The following HSD17B12 variants were observed in gnomAD, a reference collection of about 807,000 sequenced individuals.
HSD17B12 encodes very-long-chain 3-oxoacyl-CoA reductase.
HSD17B12 carries 32 observed loss-of-function variants against 39.3 expected under a neutral mutation model. The ratio of observed to expected loss-of-function variants is 0.81; its 90% CI spans 0.61 to 1.09. The LOEUF is 1.09. HSD17B12 is among the 50% of genes least tolerant of loss of function. HSD17B12 has a pLI of 0.00. For missense variants in HSD17B12, 342 were observed against 382.9 expected, an observed-to-expected ratio of 0.89 and a Z score of 0.89; for synonymous variants, 150 against 146.7, an observed-to-expected ratio of 1.02 and a Z score of -0.16.
At chr11:43,801,124 G>A (rs895923404) in intron 4 of HSD17B12, among the ~76,000 whole-genome samples, 5 of 151,748 alleles carry the variant, frequency 3.3e-5, no homozygotes, top group South Asian at 4.2e-4. Context: ...GGGTGACAAA[G>A]TGAGACTCTG....
chr11:43,754,590 C>CA (rs999085667), intron 3 of HSD17B12, among the ~76,000 whole-genome samples: 5 of 151,942 alleles, frequency 3.3e-5, no homozygotes, highest in African/African-American at 1.2e-4. Context: ...AACAAACAAA[C>CA]AAAAAAAGTT....
chr11:43,752,954 A>G (rs1048329518), intron 2 of HSD17B12, among the ~76,000 whole-genome samples: 5 of 152,118 alleles, frequency 3.3e-5, no homozygotes, highest in Non-Finnish European at 5.9e-5. Flanking sequence ...ATCACTCACT[A>G]CTTAATAAAC....
chr11:43,789,061 C>A (rs1176090238), intron 3 of HSD17B12, among the ~76,000 whole-genome samples: 2 of 152,196 alleles, frequency 1.3e-5, no homozygotes, highest in Non-Finnish European at 2.9e-5. Context: ...TTAAAACATG[C>A]TGTTCGTTTT....
the HSD17B12 span, among the ~76,000 whole-genome samples, chr11:43,586,991 G>A: frequency 2.0e-3 from 297 of 152,264 alleles, 1 homozygote; most frequent in Admixed American, 4.1e-3. Flanking sequence ...AAAATGAGAT[G>A]GGGTGAAAGA....
chr11:43,721,477 G>A (rs1296187175), intron 1 of HSD17B12, among the ~76,000 whole-genome samples: 1 of 152,096 alleles, frequency 6.6e-6, no homozygotes, highest in African/African-American at 2.4e-5. Context: ...ACATTGGCTG[G>A]GCATGGTGGC....
At chr11:43,698,543 A>G (rs1230152719) in intron 1 of HSD17B12, among the ~76,000 whole-genome samples, 2 of 152,200 alleles carry the variant, frequency 1.3e-5, no homozygotes, top group Non-Finnish European at 2.9e-5. Flanking sequence ...AGTATAGTGG[A>G]AAGAACGGGT....
intron 3 of HSD17B12, among the ~76,000 whole-genome samples, chr11:43,768,030 T>C (rs1458225505): frequency 6.6e-6 from 1 of 152,222 alleles, no homozygotes; most frequent in Admixed American, 6.5e-5. Context: ...ATTTTATAAA[T>C]ATGAAAACGA....
At chr11:43,604,098 TG>T in the HSD17B12 span, among the ~76,000 whole-genome samples, 1 of 152,214 alleles carries the variant, frequency 6.6e-6, no homozygotes, top group Non-Finnish European at 1.5e-5. Flanking sequence ...TTCAACTACA[TG>T]GTTCATTCTT....
At chr11:43,761,730 C>T (rs934280431) in intron 3 of HSD17B12, among the ~76,000 whole-genome samples, 1 of 152,220 alleles carries the variant, frequency 6.6e-6, no homozygotes, top group Non-Finnish European at 1.5e-5. Flanking sequence ...CATGTAGCCT[C>T]TCTAGCATAG....
intron 3 of HSD17B12, among the ~76,000 whole-genome samples, chr11:43,793,615 GA>G (rs1457368233): frequency 1.3e-5 from 2 of 152,182 alleles, no homozygotes; most frequent in Non-Finnish European, 2.9e-5. Flanking sequence ...AAGCCATTCT[GA>G]ATATATTTAT....
chr11:43,577,511 T>G, the HSD17B12 span, among the ~76,000 whole-genome samples: 1 of 152,070 alleles, frequency 6.6e-6, no homozygotes, highest in Non-Finnish European at 1.5e-5. Context: ...TCCCGCACCT[T>G]CCCGCCAGTG....
chr11:43,571,360 TG>T, the HSD17B12 span, among the ~76,000 whole-genome samples: 1 of 152,250 alleles, frequency 6.6e-6, no homozygotes, highest in African/African-American at 2.4e-5. Context: ...TCAAGTGTGC[TG>T]GAATCCTGAT....
At chr11:43,766,628 A>G (rs1291425884) in intron 3 of HSD17B12, among the ~76,000 whole-genome samples, 1 of 152,176 alleles carries the variant, frequency 6.6e-6, no homozygotes, top group Non-Finnish European at 1.5e-5. Flanking sequence ...ACTTTTAAAG[A>G]GAGACAAGGA....
At chr11:43,694,115 A>G (rs1166075295) in intron 1 of HSD17B12, among the ~76,000 whole-genome samples, 6 of 152,226 alleles carry the variant, frequency 3.9e-5, no homozygotes, top group Non-Finnish European at 8.8e-5. Flanking sequence ...TTTAATTTAC[A>G]GAGCCCTTTT....
chr11:43,806,448 A>G (rs1455355627), intron 4 of HSD17B12: 4 of 152,236 alleles, frequency 2.6e-5, no homozygotes, highest in Admixed American at 6.5e-5. Context: ...ACAGTCTATC[A>G]GCAGATGAAT....
the HSD17B12 span, among the ~76,000 whole-genome samples, chr11:43,659,804 A>T: frequency 6.6e-6 from 1 of 152,212 alleles, no homozygotes; most frequent in Non-Finnish European, 1.5e-5. Context: ...CCTTTCTTAT[A>T]TAAGTGAGCC....
At chr11:43,726,341 GT>G (rs1025971893) in intron 1 of HSD17B12, among the ~76,000 whole-genome samples, 1 of 152,160 alleles carries the variant, frequency 6.6e-6, no homozygotes, top group African/African-American at 2.4e-5. Context: ...GATAGAGTGG[GT>G]GAGGAAATGT....
chr11:43,591,025 T>C, the HSD17B12 span, among the ~76,000 whole-genome samples: 1 of 152,012 alleles, frequency 6.6e-6, no homozygotes, highest in Non-Finnish European at 1.5e-5. Context: ...AACTTTATCT[T>C]TCAGATTTCT....
intron 1 of HSD17B12, among the ~76,000 whole-genome samples, chr11:43,749,426 G>T (rs994961690): frequency 2.0e-5 from 3 of 152,074 alleles, no homozygotes; most frequent in South Asian, 2.1e-4. Flanking sequence ...TGAGATAATG[G>T]TATTGTGGCT....
Sources: gnomAD v4.1 joint callset for allele counts (sites outside exome capture counted in the v4.1 genomes callset) on GRCh38, gnomAD v4.1.1 for gene constraint, MANE v1.5 for transcripts, NCBI Gene and HGNC (gene_info 2026-07-23, HGNC 2026-07-21) for gene names.